Variants in ZNF730 observed in about 807,000 individuals in gnomAD.
ZNF730 encodes putative zinc finger protein 730.
ZNF730 carries 12 observed loss-of-function variants against 12.6 expected under a neutral mutation model. The ratio of observed to expected loss-of-function variants is 0.95; its 90% CI spans 0.61 to 1.54. ZNF730 has a LOEUF of 1.54. Among genes scored for constraint, ZNF730 ranks in the 40% most tolerant of loss-of-function variants. The pLI is 0.00. For synonymous variants in ZNF730, 194 were observed against 195.8 expected, an observed-to-expected ratio of 0.99 and a Z score of 0.08; for missense variants, 643 against 583.5, an observed-to-expected ratio of 1.10 and a Z score of -1.05.
chr19:23,114,864 C>T (rs559526470), upstream of ZNF730, among the ~76,000 whole-genome samples: 9 of 152,110 alleles, frequency 5.9e-5, no homozygotes, highest in African/African-American at 9.7e-5. Flanking sequence ...TGGCTTACTG[C>T]GGCTTTTACC....
At chr19:23,096,617 T>C (rs1294544879) in intron 1 of ZNF730, among the ~76,000 whole-genome samples, 1 of 152,120 alleles carries the variant, frequency 6.6e-6, no homozygotes, top group Non-Finnish European at 1.5e-5. Context: ...TTCTTTTTTT[T>C]CTGAGCCCTA....
intron 3 of ZNF730, chr19:23,143,656 T>C (rs1970961323): frequency 6.6e-6 from 1 of 152,204 alleles, no homozygotes; most frequent in Admixed American, 6.5e-5. Context: ...AATTTGGCTA[T>C]TTTGGAACAT....
chr19:23,098,936 C>G (rs1184855536), intron 1 of ZNF730, among the ~76,000 whole-genome samples: 2 of 152,134 alleles, frequency 1.3e-5, no homozygotes, highest in East Asian at 1.9e-4. Context: ...TCCTGGGTCT[C>G]CTCTCTGTAT....
intron 3 of ZNF730, among the ~76,000 whole-genome samples, chr19:23,142,713 A>C (rs1447401317): frequency 3.1e-5 from 4 of 129,410 alleles, no homozygotes; most frequent in Admixed American, 7.9e-5. Flanking sequence ...AAAAAAGTTT[A>C]TCTCTCAATT....
At chr19:23,131,056 AATT>A (rs1319178496) in intron 1 of ZNF730, among the ~76,000 whole-genome samples, 2 of 152,222 alleles carry the variant, frequency 1.3e-5, no homozygotes, top group Non-Finnish European at 2.9e-5. Context: ...GTCTTTTTAA[AATT>A]ATTAAAACCA....
chr19:23,137,423 T>C (rs1434824498), intron 3 of ZNF730, among the ~76,000 whole-genome samples: 1 of 152,234 alleles, frequency 6.6e-6, no homozygotes, highest in African/African-American at 2.4e-5. Flanking sequence ...TAGTTGTATG[T>C]TAATTTTCTA....
intron 1 of ZNF730, among the ~76,000 whole-genome samples, chr19:23,081,066 G>A (rs924551460): frequency 1.3e-5 from 2 of 150,618 alleles, no homozygotes; most frequent in East Asian, 2.0e-4. Context: ...GACTGCTCTC[G>A]AACTCCCGAC....
chr19:23,101,933 A>G (rs1970340130), intron 1 of ZNF730, among the ~76,000 whole-genome samples: 1 of 152,140 alleles, frequency 6.6e-6, no homozygotes, highest in Non-Finnish European at 1.5e-5. Flanking sequence ...CACAGGGTGC[A>G]TTGTGACATA....
chr19:23,086,833 T>TAGAAAA (rs1970070563), intron 1 of ZNF730, among the ~76,000 whole-genome samples: 1 of 152,198 alleles, frequency 6.6e-6, no homozygotes, highest in African/African-American at 2.4e-5. Flanking sequence ...TGTGAGAATG[T>TAGAAAA]CAATGCTTGT....
intron 1 of ZNF730, among the ~76,000 whole-genome samples, chr19:23,133,815 CAT>C (rs1215242499): frequency 2.5e-5 from 3 of 120,758 alleles, no homozygotes; most frequent in African/African-American, 7.8e-5. Flanking sequence ...CAAAAATGTA[CAT>C]GTTAGTGTTC....
At chr19:23,124,350 A>G (rs1022841806) in intron 1 of ZNF730, among the ~76,000 whole-genome samples, 9 of 152,244 alleles carry the variant, frequency 5.9e-5, no homozygotes, top group African/African-American at 2.2e-4. Context: ...AAGTATCCAG[A>G]GCCATAACCA....
chr19:23,098,555 T>TA (rs1189559136), intron 1 of ZNF730: 1 of 152,166 alleles, frequency 6.6e-6, no homozygotes, highest in Admixed American at 6.6e-5. Flanking sequence ...ATCTATTACA[T>TA]AAAAAATGTG....
At chr19:23,096,735 A>AT (rs1333597507) in intron 1 of ZNF730, among the ~76,000 whole-genome samples, 1 of 152,200 alleles carries the variant, frequency 6.6e-6, no homozygotes, top group Non-Finnish European at 1.5e-5. Context: ...TGAACCCAGT[A>AT]CATAGGTGAT....
At chr19:23,083,685 G>A (rs895007137) in intron 1 of ZNF730, among the ~76,000 whole-genome samples, 1 of 151,112 alleles carries the variant, frequency 6.6e-6, no homozygotes, top group African/African-American at 2.4e-5. Flanking sequence ...ATTAGTTTAT[G>A]TTGAGCATCT....
At chr19:23,121,981 A>G (rs192198718) in intron 1 of ZNF730, among the ~76,000 whole-genome samples, 100 of 152,266 alleles carry the variant, frequency 6.6e-4, no homozygotes, top group Non-Finnish European at 1.1e-3. Flanking sequence ...AGTAACAGCT[A>G]TATAAACCTT....
intron 1 of ZNF730, among the ~76,000 whole-genome samples, chr19:23,129,138 C>A (rs991572386): frequency 2.0e-5 from 3 of 152,190 alleles, no homozygotes; most frequent in African/African-American, 7.2e-5. Context: ...GGGTGAAGGC[C>A]TCATGAAGAA....
rs932695727 is a variant in ZNF730 at position 23,082,222 on chromosome 19, TA to T, written c.-94+6838del. Among the ~76,000 whole-genome samples, 13 of 152,330 alleles carry T rather than the reference TA, an allele frequency of 8.5e-5. No individual in the cohort carries two copies. In the Middle Eastern group the frequency reaches 0.01, roughly 120 times the overall value. ...ACACCTGTTGTATTCTTTGCTTCTA[TA>T]AACCCTTTTTTTCAGAGTCCTCGTA... On this transcript the variant is annotated intron_variant, in intron 1 of 2. Coordinates refer to the ZNF730 transcript ENST00000593635.
At chr19:23,126,084 T>A (rs1970662253) in intron 1 of ZNF730, among the ~76,000 whole-genome samples, 1 of 152,216 alleles carries the variant, frequency 6.6e-6, no homozygotes, top group Non-Finnish European at 1.5e-5. Context: ...CTGATTAAGA[T>A]GCTTTACCAG....
Position 23,134,203 on chromosome 19 carries a change from C to G in ZNF730, c.127C>G (p.Leu43Val), listed in dbSNP as rs1970788138. ...AGATAACTACAGAAACCTGGTCTTC[C>G]TGGGTGAGGATAACTTTAATATACA... ...MLDNYRNLVF[L>V]GIAVSKPDLI... Residue 43 changes from leucine (L) to valine (V), a missense_variant, in exon 2 of 4, where the codon CTG (leucine) becomes GTG (valine). Transcript: ENST00000597761. The G allele has an allele frequency of 1.9e-6, 3 of 1,604,248 alleles. No individual in the cohort carries two copies. The highest frequency in any genetic ancestry group is 2.6e-6 in the Non-Finnish European group (3 of 1,176,000).
Sources: gnomAD v4.1 joint callset for allele counts (sites outside exome capture counted in the v4.1 genomes callset) on GRCh38, gnomAD v4.1.1 for gene constraint, MANE v1.5 for transcripts, NCBI Gene and HGNC (gene_info 2026-07-23, HGNC 2026-07-21) for gene names.